TBC1D1: variants seen among roughly 807,000 people sequenced by gnomAD.
TBC1D1 encodes TBC1 domain family member 1, also known as TBC1 (tre-2/USP6, BUB2, cdc16) domain family, member 1.
In TBC1D1, 89 loss-of-function variants were observed where a neutral mutation model predicts 125.6. The ratio of observed to expected loss-of-function variants is 0.71; its 90% CI spans 0.60 to 0.85. The LOEUF is 0.85. Among genes scored for constraint, TBC1D1 ranks in the 40% least tolerant of loss-of-function variants. TBC1D1 has a pLI of 0.00. For missense variants in TBC1D1, 1,377 were observed against 1,469.2 expected, an observed-to-expected ratio of 0.94 and a Z score of 1.03; for synonymous variants, 565 against 564.1, an observed-to-expected ratio of 1.00 and a Z score of -0.02.
intron 8 of TBC1D1, among the ~76,000 whole-genome samples, chr4:38,038,936 A>C (rs1578381271): frequency 2.8e-5 from 4 of 141,210 alleles, no homozygotes; most frequent in African/African-American, 8.3e-5. Context: ...ACAGAGAGAG[A>C]CTCCCTCTCG....
chr4:38,103,202 C>A, intron 15 of TBC1D1, 45 bp downstream of exon 17: 1 of 1,567,648 alleles, frequency 6.4e-7, no homozygotes, highest in Non-Finnish European at 8.6e-7. Context: ...AAGTTTCACT[C>A]ACATGAAAAA....
At chr4:38,096,158 TA>T (rs1211769338) in intron 14 of TBC1D1, 68 bp downstream of exon 16, 72 of 1,382,918 alleles carry the variant, frequency 5.2e-5, no homozygotes, top group South Asian at 1.3e-4. Context: ...AGTGTGGAAT[TA>T]AAAAAAAGTC....
At chr4:38,010,552 G>A (rs1430210449) in intron 2 of TBC1D1, among the ~76,000 whole-genome samples, 1 of 152,150 alleles carries the variant, frequency 6.6e-6, no homozygotes, top group Non-Finnish European at 1.5e-5. Flanking sequence ...ATAGACAAAA[G>A]CAGAACTCAT....
intron 15 of TBC1D1, chr4:38,111,858 T>C (rs1762255546): frequency 2.3e-6 from 2 of 860,526 alleles, no homozygotes; most frequent in Non-Finnish European, 2.8e-6. Flanking sequence ...ATGGGTGCAG[T>C]TGTCCTGCTT....
chr4:38,049,966 C>T lies in TBC1D1; in HGVS notation c.1910+68C>T. On this transcript the variant is annotated intron_variant, in intron 11 of 19. Coordinates refer to ENST00000261439, the MANE Select transcript of TBC1D1 (RefSeq NM_015173.4). Reference sequence around the variant, plus strand: ...TCTGTGACTAGCCAGGTATGTGCATCCCAGGTATGTTTATTGAGTGAGAGA... The same window carrying T: ...TCTGTGACTAGCCAGGTATGTGCATTCCAGGTATGTTTATTGAGTGAGAGA... 4 of 1,495,820 alleles carry T rather than the reference C, an allele frequency of 2.7e-6. No individual in the cohort carries two copies. The South Asian group carries it at 5.2e-5, about 19-fold the overall frequency. The allele number at this position is 1,495,820 out of a possible 1,614,324, so 92.7% of individuals were successfully genotyped here. A position where few individuals can be genotyped will look rare whatever the true frequency, so the allele number is the denominator to read the frequency against.
At chr4:38,039,599 T>G (rs1236372959) in intron 8 of TBC1D1, among the ~76,000 whole-genome samples, 1 of 152,192 alleles carries the variant, frequency 6.6e-6, no homozygotes, top group East Asian at 1.9e-4. Flanking sequence ...CTTTCTCCAT[T>G]CTCCTTCTGA....
intron 15 of TBC1D1, among the ~76,000 whole-genome samples, chr4:38,109,259 ACAC>A (rs1761846628): frequency 6.6e-6 from 1 of 152,220 alleles, no homozygotes; most frequent in African/African-American, 2.4e-5. Context: ...CACCAGCCAC[ACAC>A]ATTATTCTGA....
chr4:37,935,157 A>G (rs1724127201), intron 2 of TBC1D1, among the ~76,000 whole-genome samples: 1 of 152,176 alleles, frequency 6.6e-6, no homozygotes, highest in African/African-American at 2.4e-5. Context: ...GAAATGAGCA[A>G]TGAGTATTTG....
At chr4:37,974,283 T>C (rs1364001571) in intron 2 of TBC1D1, among the ~76,000 whole-genome samples, 1 of 152,110 alleles carries the variant, frequency 6.6e-6, no homozygotes, top group African/African-American at 2.4e-5. Context: ...CAGGCTGGAG[T>C]GCAGTGGCTG....
intron 12 of TBC1D1, among the ~76,000 whole-genome samples, chr4:38,077,169 G>T (rs2152519618): frequency 1.3e-5 from 2 of 152,372 alleles, no homozygotes; most frequent in South Asian, 4.1e-4. Flanking sequence ...ACATGAGATA[G>T]ATGTATTGCA....
At chr4:38,102,966 A>T in intron 14 of TBC1D1, 33 bp from the exon 17 acceptor site, 1 of 1,597,962 alleles carries the variant, frequency 6.3e-7, no homozygotes, top group Non-Finnish European at 8.5e-7. Context: ...TTCTGTGCAT[A>T]AATTATTTCC....
rs1183266451 is a variant in TBC1D1, at chr4:37,995,003, AT to A, written c.418-19499del. Among the ~76,000 whole-genome samples the A allele has an allele frequency of 6.6e-6, 1 of 151,732 alleles. No individual in the cohort carries two copies. Among genetic ancestry groups the A allele is most frequent in the Non-Finnish European group, 1.5e-5 (1 of 67,912 alleles). ...GTATCACCATGTTCTTGATGTTGGC[AT>A]TTTTTTGGTTTTGTTTTGTGGGTAT... is the stretch of plus-strand genomic sequence containing the variant. On this transcript the variant is annotated intron_variant, in intron 2 of 19. Transcript: ENST00000261439. This position sits in a 1 kb window ranked among gnomAD's most constrained non-coding sequence, Gnocchi z 4.3.
chr4:37,994,553 C>G (rs1411738663), intron 2 of TBC1D1, among the ~76,000 whole-genome samples: 19 of 152,190 alleles, frequency 1.2e-4, no homozygotes, highest in Non-Finnish European at 1.5e-5. Flanking sequence ...CTCTTTCTTT[C>G]CCATTTTTGA....
chr4:37,953,687 C>T (rs1360902274), intron 2 of TBC1D1, among the ~76,000 whole-genome samples: 1 of 152,146 alleles, frequency 6.6e-6, no homozygotes, highest in Non-Finnish European at 1.5e-5. Context: ...GTAAATTCTA[C>T]AGAACCTTAG....
rs1209968736 is a variant in TBC1D1, at chr4:38,103,073, A to G, written c.2473A>G (p.Ser825Gly). 1 of 1,614,192 alleles carries G rather than the reference A, an allele frequency of 6.2e-7. No homozygotes were observed. The highest frequency in any genetic ancestry group is 2.2e-5 in the East Asian group (1 of 44,882). Reference sequence around the variant, plus strand: ...ATTCCACCTTAAACACCAGTTTCCCAGCAAACAGCAGCCAAAGGATGTGCC... The same window carrying G: ...ATTCCACCTTAAACACCAGTTTCCCGGCAAACAGCAGCCAAAGGATGTGCC... Residue 825 changes from serine to glycine, a missense_variant, in exon 15 of 20, where the codon AGC becomes GGC. By Grantham distance (56) the Ser-to-Gly change is moderately conservative. Transcript: ENST00000261439.
At chr4:37,964,438 C>T (rs149018238) in intron 2 of TBC1D1, among the ~76,000 whole-genome samples, 1 of 152,314 alleles carries the variant, frequency 6.6e-6, no homozygotes, top group Non-Finnish European at 1.5e-5. Flanking sequence ...ACTCAGGTTC[C>T]CATTAGGCTG....
At chr4:38,039,692 A>G (rs1387293092) in intron 8 of TBC1D1, among the ~76,000 whole-genome samples, 1 of 152,230 alleles carries the variant, frequency 6.6e-6, no homozygotes, top group African/African-American at 2.4e-5. Context: ...ATTTCAGTAT[A>G]GCATCAGGAT....
chr4:38,044,487 C>T lies in TBC1D1; in HGVS notation c.1539C>T (p.Ser513=), dbSNP rs1258008615. The change falls in exon 9 of 20, where the codon TCC becomes TCT. Residue 513 remains serine, a synonymous_variant. Transcript: ENST00000261439. ...CAGAGTCTTTAGAAAGTATTTTGTC[C>T]CGGGTAAGTAGCATAATTTCTCCTG... is the stretch of plus-strand genomic sequence containing the variant. 3 of 1,605,512 alleles carry T rather than the reference C, an allele frequency of 1.9e-6. No individual in the cohort carries two copies. Among genetic ancestry groups the T allele is most frequent in the African/African-American group, 2.7e-5 (2 of 74,370 alleles).
chr4:37,951,002 G>A (rs1052441047), intron 2 of TBC1D1, among the ~76,000 whole-genome samples: 4 of 152,130 alleles, frequency 2.6e-5, no homozygotes, highest in African/African-American at 9.7e-5. Context: ...GACCTCAGGT[G>A]ATCCACCCTC....
Sources: gnomAD v4.1 joint callset for allele counts (sites outside exome capture counted in the v4.1 genomes callset) on GRCh38, gnomAD v4.1.1 for gene constraint, Gnocchi (gnomAD v3.1) non-coding constraint, MANE v1.5 for transcripts, NCBI Gene and HGNC (gene_info 2026-07-23, HGNC 2026-07-21) for gene names.